The following JAKMIP1 variants were observed in gnomAD, a reference collection of about 807,000 sequenced individuals.
The protein encoded by JAKMIP1 is janus kinase and microtubule-interacting protein 1.
In JAKMIP1, 33 loss-of-function variants were observed where a neutral mutation model predicts 113.0. The ratio of observed to expected loss-of-function variants is 0.29; its 90% CI spans 0.22 to 0.39. The LOEUF (loss-of-function observed/expected upper bound fraction) is 0.39, where lower values mean the gene tolerates loss of function less well. Ranked by LOEUF, JAKMIP1 falls within the 10% of genes least tolerant of loss-of-function variation. The pLI is 1.00. For missense variants in JAKMIP1, 813 were observed against 1,080.5 expected, an observed-to-expected ratio of 0.75 and a Z score of 3.47; for synonymous variants, 480 against 459.9, an observed-to-expected ratio of 1.04 and a Z score of -0.56.
At chr4:6,175,894 A>G (rs1725290102) in intron 1 of JAKMIP1, among the ~76,000 whole-genome samples, 1 of 152,210 alleles carries the variant, frequency 6.6e-6, no homozygotes, top group African/African-American at 2.4e-5. Context: ...TCCTCTCTGA[A>G]CCAGTTTCCT....
At chr4:6,130,850 A>C (rs1405764591) in intron 1 of JAKMIP1, among the ~76,000 whole-genome samples, 1 of 152,114 alleles carries the variant, frequency 6.6e-6, no homozygotes, top group African/African-American at 2.4e-5. Context: ...ATGAAAAAAA[A>C]GACTAAAAAT....
Position 6,044,822 on chromosome 4 carries a change from C to T in JAKMIP1, c.2029-2595G>A, listed in dbSNP as rs1290400820. Among the ~76,000 whole-genome samples the T allele has an allele frequency of 6.6e-6, 1 of 152,238 alleles. No homozygotes were observed. Among genetic ancestry groups the T allele is most frequent in the Non-Finnish European group, 1.5e-5 (1 of 68,042 alleles). ...AGCTGGCCATGAGGACCCCCGACCA[C>T]GTGAGATCAGAAATTTAATATCAAA... On this transcript the variant is annotated intron_variant, in intron 16 of 20. Transcript: ENST00000409021. This position sits in a 1 kb window ranked among gnomAD's most constrained non-coding sequence, Gnocchi z 4.4.
At chr4:6,048,802 A>G (rs548909783) in intron 16 of JAKMIP1, 55 bp downstream of exon 16, 6 of 1,453,640 alleles carry the variant, frequency 4.1e-6, no homozygotes, top group Non-Finnish European at 3.9e-6. Flanking sequence ...AGTTTCTTGT[A>G]TGGTGCTGGG....
rs1714432147 is a variant in JAKMIP1 at position 6,042,301 on chromosome 4, G to A, written c.2029-74C>T. 2.5e-6 allele frequency: 3 copies of A among 1,208,544 alleles called. No individual in the cohort carries two copies. Among genetic ancestry groups the A allele is most frequent in the Non-Finnish European group, 3.7e-6 (3 of 815,254 alleles). The allele number at this position is 1,208,544 out of a possible 1,614,324, so 74.9% of individuals were successfully genotyped here. ...CCCAAGGGGCTGTGGAATTTCACAG[G>A]TGTGTGAATTTCATAGATCGGCTTC... On this transcript the variant is annotated intron_variant, in intron 16 of 20. Transcript: ENST00000409021. This position sits in a 1 kb window ranked among gnomAD's most constrained non-coding sequence, Gnocchi z 5.2.
chr4:6,033,649 G>T (rs943753501), intron 19 of JAKMIP1, among the ~76,000 whole-genome samples: 1 of 152,152 alleles, frequency 6.6e-6, no homozygotes, highest in Non-Finnish European at 1.5e-5. Flanking sequence ...GGCAGGATTT[G>T]AATAAAAACC....
chr4:6,067,625 G>C lies in JAKMIP1; in HGVS notation c.1303-2617C>G, dbSNP rs1232135554. Among the ~76,000 whole-genome samples the C allele has an allele frequency of 6.8e-6, 1 of 147,260 alleles. No individual in the cohort carries two copies. Among genetic ancestry groups the C allele is most frequent in the Non-Finnish European group, 1.5e-5 (1 of 66,112 alleles). On this transcript the variant is annotated intron_variant, in intron 8 of 20. Transcript: ENST00000409021. This position sits in a 1 kb window ranked among gnomAD's most constrained non-coding sequence, Gnocchi z 4.6. ...CACAGGTCACCCCCCTGAGCTCCAGGTTCACTCAAGCTCTTCTGCACACAC... is the reference window on the plus strand; with the variant it reads ...CACAGGTCACCCCCCTGAGCTCCAGCTTCACTCAAGCTCTTCTGCACACAC...
At chr4:6,130,537 C>A (rs1718352084) in intron 1 of JAKMIP1, among the ~76,000 whole-genome samples, 1 of 152,082 alleles carries the variant, frequency 6.6e-6, no homozygotes, top group African/African-American at 2.4e-5. Flanking sequence ...AAAAAGAGAG[C>A]CCAAACATTG....
intron 1 of JAKMIP1, among the ~76,000 whole-genome samples, chr4:6,146,945 G>A (rs1451010987): frequency 6.6e-6 from 1 of 152,076 alleles, no homozygotes; most frequent in African/African-American, 2.4e-5. Context: ...AATCACTTAT[G>A]AGCCTAATTC....
rs1255352146 is a variant in JAKMIP1, at chr4:6,067,618, G to A, written c.1303-2610C>T. Among the ~76,000 whole-genome samples the A allele has an allele frequency of 6.7e-6, 1 of 148,712 alleles. No homozygotes were observed. Among genetic ancestry groups the A allele is most frequent in the African/African-American group, 2.5e-5 (1 of 40,672 alleles). On this transcript the variant is annotated intron_variant, in intron 8 of 20. Coordinates refer to ENST00000409021, the MANE Select transcript of JAKMIP1 (RefSeq NM_001099433.2). The surrounding 1 kb of genome is among the most constrained non-coding windows in gnomAD (Gnocchi z 4.6). ...CTGCACACACAGGTCACCCCCCTGA[G>A]CTCCAGGTTCACTCAAGCTCTTCTG...
rs1206588757 is a variant in JAKMIP1 at position 6,167,923 on chromosome 4, G to A, written c.-148+32330C>T. 6.6e-6 allele frequency among the ~76,000 whole-genome samples: 1 copy of A among 152,204 alleles called. No homozygotes were observed. The highest frequency in any genetic ancestry group is 2.4e-5 in the African/African-American group (1 of 41,440). ...GACTGCGCCAGATCGCTGCACCAGT[G>A]AGACTTTGTCTCCCAGAGCTGACAG... On this transcript the variant is annotated intron_variant, in intron 1 of 20. Coordinates refer to ENST00000409021, the MANE Select transcript of JAKMIP1 (RefSeq NM_001099433.2). The surrounding 1 kb of genome is among the most constrained non-coding windows in gnomAD (Gnocchi z 5.3).
chr4:6,105,986 G>C lies in JAKMIP1; in HGVS notation c.130-19C>G. ...TGCCCACCTGCAGCCAGAGCGGCGA[G>C]AGAGCCGGTCAGGGTCAGGGTCAGG... On this transcript the variant is annotated intron_variant, in intron 2 of 20. Transcript: ENST00000409021. 6.5e-7 allele frequency: 1 copy of C among 1,535,068 alleles called. No individual in the cohort carries two copies. Among genetic ancestry groups the C allele is most frequent in the South Asian group, 1.2e-5 (1 of 83,476 alleles).
intron 1 of JAKMIP1, among the ~76,000 whole-genome samples, chr4:6,189,181 C>G (rs1438976761): frequency 3.9e-5 from 6 of 152,236 alleles, no homozygotes; most frequent in African/African-American, 1.4e-4. Flanking sequence ...TCCGGGACCA[C>G]AGGAATGCAG....
At chr4:6,163,985 T>A (rs1578430525) in intron 1 of JAKMIP1, among the ~76,000 whole-genome samples, 1 of 152,128 alleles carries the variant, frequency 6.6e-6, no homozygotes, top group African/African-American at 2.4e-5. Context: ...CTCCATAACA[T>A]AAAAGTGCAA....
chr4:6,178,614 G>A lies in JAKMIP1; in HGVS notation c.-148+21639C>T, dbSNP rs984373884. Among the ~76,000 whole-genome samples, 25 of 152,312 alleles carry A rather than the reference G, an allele frequency of 1.6e-4. No homozygotes were observed. The highest frequency in any genetic ancestry group is 2.6e-4 in the Non-Finnish European group (18 of 68,038). On this transcript the variant is annotated intron_variant, in intron 1 of 20. Transcript: ENST00000409021. This position sits in a 1 kb window ranked among gnomAD's most constrained non-coding sequence, Gnocchi z 5.5. Reference sequence around the variant, plus strand: ...TTGATACCGCCAGGTGAAGAAGGACGTGTTTGCTTCCCCTAATGCCATGAT... The same window carrying A: ...TTGATACCGCCAGGTGAAGAAGGACATGTTTGCTTCCCCTAATGCCATGAT...
At chr4:6,060,053 C>T (rs965886042) in intron 11 of JAKMIP1, among the ~76,000 whole-genome samples, 1 of 152,192 alleles carries the variant, frequency 6.6e-6, no homozygotes, top group African/African-American at 2.4e-5. Context: ...CAGGGTTAGT[C>T]ATGGGTGCTG....
intron 20 of JAKMIP1, 36 bp from the exon 21 acceptor site, chr4:6,026,314 G>T (rs1248577820): frequency 9.5e-7 from 1 of 1,055,534 alleles, no homozygotes; most frequent in South Asian, 1.5e-5. Context: ...GAGGAAAAGA[G>T]AAGAAAAAGA....
Position 6,185,831 on chromosome 4 carries a change from G to A in JAKMIP1, c.-148+14422C>T, listed in dbSNP as rs1032809957. ...TCCTGATTAAGGCTCATTAAGGCAG[G>A]TGTTCTAGACAATACCTTTAACAGC... On this transcript the variant is annotated intron_variant, in intron 1 of 20. Coordinates refer to ENST00000409021, the MANE Select transcript of JAKMIP1 (RefSeq NM_001099433.2). The surrounding 1 kb of genome is among the most constrained non-coding windows in gnomAD (Gnocchi z 5.3). 1.3e-5 allele frequency among the ~76,000 whole-genome samples: 2 copies of A among 152,134 alleles called. No individual in the cohort carries two copies. Among genetic ancestry groups the A allele is most frequent in the African/African-American group, 4.8e-5 (2 of 41,428 alleles).
chr4:6,072,008 G>A lies in JAKMIP1; in HGVS notation c.1302+6931C>T, dbSNP rs550090298. 6.6e-5 allele frequency among the ~76,000 whole-genome samples: 10 copies of A among 152,368 alleles called. No individual in the cohort carries two copies. In the South Asian group the frequency reaches 1.5e-3, roughly 22 times the overall value. The stretch of plus-strand genomic sequence containing the variant: ...AAACTTAAGCTGAAAGCTGAGTCAT[G>A]CAAGAAGCTGCCTTTCCTTTTGTTC... On this transcript the variant is annotated intron_variant, in intron 8 of 20. Coordinates refer to ENST00000409021, the MANE Select transcript of JAKMIP1 (RefSeq NM_001099433.2).
rs1160143544 is a variant in JAKMIP1, at chr4:6,094,316, A to G, written c.625-8687T>C. 6.6e-6 allele frequency among the ~76,000 whole-genome samples: 1 copy of G among 152,242 alleles called. No individual in the cohort carries two copies. Among genetic ancestry groups the G allele is most frequent in the Admixed American group, 6.5e-5 (1 of 15,290 alleles). On this transcript the variant is annotated intron_variant, in intron 3 of 20. Coordinates refer to ENST00000409021, the MANE Select transcript of JAKMIP1 (RefSeq NM_001099433.2). This position sits in a 1 kb window ranked among gnomAD's most constrained non-coding sequence, Gnocchi z 4.2. ...CCGTAATTTTCTGGCAAAAAAAGAA[A>G]GAAAACACTCTCCTTTATCTCCCAG...
Sources: gnomAD v4.1 joint callset for allele counts (sites outside exome capture counted in the v4.1 genomes callset) on GRCh38, gnomAD v4.1.1 for gene constraint, Gnocchi (gnomAD v3.1) non-coding constraint, MANE v1.5 for transcripts, NCBI Gene and HGNC (gene_info 2026-07-23, HGNC 2026-07-21) for gene names.